The following LRP1B variants were observed in gnomAD, a reference collection of about 807,000 sequenced individuals.
LRP1B encodes the protein LDL receptor related protein 1B.
Under a neutral mutation model 556.6 loss-of-function variants are expected in LRP1B, and 217 were observed. The observed-to-expected ratio is 0.39, with a 90% confidence interval of 0.35 to 0.44. The LOEUF (loss-of-function observed/expected upper bound fraction) is 0.44, where lower values mean the gene tolerates loss of function less well. LRP1B is among the 20% of genes least tolerant of loss of function. The probability of loss-of-function intolerance (pLI) is 1.00; values close to 1 mark genes in which losing one functional copy is unlikely to be tolerated. For missense variants in LRP1B, 5,053 were observed against 5,620.8 expected, an observed-to-expected ratio of 0.90 and a Z score of 3.23; for synonymous variants, 2,047 against 1,865.8, an observed-to-expected ratio of 1.10 and a Z score of -2.50.
intron 34 of LRP1B, 56 bp from the exon 35 acceptor site, chr2:140,769,400 A>G: frequency 6.9e-7 from 1 of 1,443,888 alleles, no homozygotes; most frequent in South Asian, 1.3e-5. Flanking sequence ...GAATATTTAA[A>G]ATACAAATAA....
chr2:141,196,280 A>T (rs1028197712), intron 6 of LRP1B, among the ~76,000 whole-genome samples: 16 of 152,088 alleles, frequency 1.1e-4, no homozygotes, highest in Non-Finnish European at 2.1e-4. Flanking sequence ...TGGCTACGTC[A>T]AGTGCATTTA....
At chr2:140,963,591 G>A (rs373178739) in intron 18 of LRP1B, among the ~76,000 whole-genome samples, 2 of 152,052 alleles carry the variant, frequency 1.3e-5, no homozygotes, top group Non-Finnish European at 2.9e-5. Flanking sequence ...GCCAGTAACC[G>A]GTGAGGCAGC....
chr2:141,123,608 T>C (rs1056123945), intron 7 of LRP1B, among the ~76,000 whole-genome samples: 3 of 152,154 alleles, frequency 2.0e-5, no homozygotes, highest in African/African-American at 2.4e-5. Flanking sequence ...TTATATTTTG[T>C]TTGGGAGCTA....
At chr2:142,030,988 AT>A (rs1175920433) in intron 1 of LRP1B, among the ~76,000 whole-genome samples, 2 of 151,894 alleles carry the variant, frequency 1.3e-5, no homozygotes, top group African/African-American at 2.4e-5. Context: ...TGTCAAAGAC[AT>A]TTTTTAAGGT....
chr2:140,323,335 C>T (rs1026043942), intron 81 of LRP1B, among the ~76,000 whole-genome samples: 17 of 151,890 alleles, frequency 1.1e-4, no homozygotes, highest in Non-Finnish European at 1.9e-4. Context: ...AAGTCATATA[C>T]AATAAATCAG....
intron 1 of LRP1B, among the ~76,000 whole-genome samples, chr2:142,112,831 GC>G (rs1392326757): frequency 1.3e-5 from 2 of 152,090 alleles, no homozygotes; most frequent in Non-Finnish European, 1.5e-5. Context: ...GACTCTCAAA[GC>G]CTCTTGCTAG....
At chr2:140,523,527 C>G (rs1040896829) in intron 49 of LRP1B, among the ~76,000 whole-genome samples, 1 of 146,778 alleles carries the variant, frequency 6.8e-6, no homozygotes, top group Admixed American at 7.0e-5. Context: ...TATAGGAAAT[C>G]TTAGCCCGAG....
At chr2:141,872,195 C>T (rs142165996) in intron 1 of LRP1B, among the ~76,000 whole-genome samples, 162 of 151,778 alleles carry the variant, frequency 1.1e-3, no homozygotes, top group African/African-American at 3.5e-3. Flanking sequence ...CTGACAGTCA[C>T]GAAGGTAAAG....
At chr2:140,378,467 A>G (rs1375593761) in intron 67 of LRP1B, among the ~76,000 whole-genome samples, 181 bp from the exon 68 acceptor site, 1 of 152,200 alleles carries the variant, frequency 6.6e-6, no homozygotes, top group Non-Finnish European at 1.5e-5. Flanking sequence ...TAATTTTTCC[A>G]ATTTATTTTT....
At chr2:140,698,360 C>T (rs1686510135) in intron 41 of LRP1B, among the ~76,000 whole-genome samples, 1 of 151,958 alleles carries the variant, frequency 6.6e-6, no homozygotes, top group African/African-American at 2.4e-5. Context: ...GAAATTTAAA[C>T]TTAAATTGTT....
At chr2:140,302,953 AC>A (rs1163615111) in intron 83 of LRP1B, among the ~76,000 whole-genome samples, 5 of 148,582 alleles carry the variant, frequency 3.4e-5, no homozygotes, top group African/African-American at 1.2e-4. Flanking sequence ...CAGACAGTAT[AC>A]CATTGAACTC....
intron 3 of LRP1B, among the ~76,000 whole-genome samples, chr2:141,444,079 C>T (rs1182802468): frequency 6.6e-6 from 1 of 152,006 alleles, no homozygotes; most frequent in East Asian, 1.9e-4. Context: ...GAATGTTTTT[C>T]CATTTGTTTG....
chr2:141,721,452 G>T (rs1692811153), intron 2 of LRP1B, among the ~76,000 whole-genome samples: 1 of 152,078 alleles, frequency 6.6e-6, no homozygotes. Flanking sequence ...GAAGAAGGTT[G>T]TCAAGATATT....
At chr2:140,772,050 G>A (rs1265363973) in intron 33 of LRP1B, among the ~76,000 whole-genome samples, 1 of 152,132 alleles carries the variant, frequency 6.6e-6, no homozygotes, top group Admixed American at 6.5e-5. Context: ...TTTCTCATCA[G>A]GAGATGTACC....
chr2:141,585,936 G>A (rs13024690), intron 2 of LRP1B, among the ~76,000 whole-genome samples: 51,629 of 150,302 alleles, frequency 0.34, 9,886 homozygotes, highest in Non-Finnish European at 0.44. Flanking sequence ...CAAGCTTGTC[G>A]CGAACTCCTG....
At chr2:140,770,217 C>T (rs1288411886) in intron 34 of LRP1B, among the ~76,000 whole-genome samples, 2 of 151,698 alleles carry the variant, frequency 1.3e-5, no homozygotes, top group African/African-American at 4.8e-5. Context: ...GTGCTTAGAA[C>T]AGTGCCATGC....
intron 11 of LRP1B, among the ~76,000 whole-genome samples, chr2:141,040,965 G>T (rs907080828): frequency 5.9e-5 from 9 of 152,162 alleles, no homozygotes; most frequent in African/African-American, 1.7e-4. Flanking sequence ...TGTCATAAAA[G>T]AGAAACCTAC....
At position 141,987,059 on chromosome 2, in the gene LRP1B, T is replaced by C. The variant is rs192271143; in HGVS notation, c.82+143589A>G. 3.9e-5 allele frequency among the ~76,000 whole-genome samples: 6 copies of C among 152,108 alleles called. No individual in the cohort carries two copies. The East Asian group carries it at 1.2e-3, about 29-fold the overall frequency. ...ATGAGTTATAGCTCCTTTAGAACAA[T>C]ACCAGGCACATAATTCACTTTTATC... On this transcript the variant is annotated intron_variant, in intron 1 of 90. Transcript: ENST00000389484.
At chr2:140,353,673 C>A (rs1682076793) in intron 75 of LRP1B, among the ~76,000 whole-genome samples, 1 of 152,060 alleles carries the variant, frequency 6.6e-6, no homozygotes, top group African/African-American at 2.4e-5. Flanking sequence ...TCCTTAGTTT[C>A]TCCAGTTTTT....
Sources: allele counts gnomAD v4.1 joint callset (sites outside exome capture counted in the v4.1 genomes callset), GRCh38; gene constraint gnomAD v4.1.1; transcripts MANE v1.5; gene names NCBI Gene and HGNC (gene_info 2026-07-23, HGNC 2026-07-21).